TYW1B: variants seen among roughly 807,000 people sequenced by gnomAD.
The protein encoded by TYW1B is S-adenosyl-L-methionine-dependent tRNA 4-demethylwyosine synthase TYW1B.
A neutral mutation model predicts 86.9 loss-of-function variants in TYW1B; 73 were observed. The observed-to-expected ratio is 0.84, with a 90% CI of 0.70 to 1.02. TYW1B has a LOEUF of 1.02. Ranked by LOEUF, TYW1B falls within the 50% of genes least tolerant of loss-of-function variation. TYW1B has a pLI of 0.00. For synonymous variants in TYW1B, 248 were observed against 292.8 expected (o/e 0.85, Z 1.56); for missense variants, 637 against 827.4 (o/e 0.77, Z 2.82).
intron 9 of TYW1B, among the ~76,000 whole-genome samples, chr7:72,726,889 AGGGGAAGCAAG>A (rs1423895799): frequency 2.0e-5 from 3 of 152,124 alleles, no homozygotes; most frequent in Non-Finnish European, 4.4e-5. Context: ...CGGAAGGCAA[AGGGGAAGCAAG>A]GCACCTCCTT....
chr7:72,615,752 G>C (rs1812058161), intron 13 of TYW1B, among the ~76,000 whole-genome samples: 1 of 152,032 alleles, frequency 6.6e-6, no homozygotes, highest in Non-Finnish European at 1.5e-5. Context: ...TAGCATTTTT[G>C]AAATAAACCA....
At chr7:72,710,772 C>A (rs1554454578) in intron 10 of TYW1B, among the ~76,000 whole-genome samples, 2 of 152,154 alleles carry the variant, frequency 1.3e-5, no homozygotes, top group East Asian at 3.9e-4. Flanking sequence ...TGTGCCACTG[C>A]ACTCCAGCCT....
chr7:72,653,988 G>A (rs1421241959), intron 11 of TYW1B, among the ~76,000 whole-genome samples: 4 of 151,028 alleles, frequency 2.6e-5, no homozygotes, highest in African/African-American at 7.3e-5. Context: ...GCGGAGGCAG[G>A]AGAATCACAT....
At chr7:72,798,508 T>C (rs556837927) in intron 6 of TYW1B, among the ~76,000 whole-genome samples, 33 of 152,286 alleles carry the variant, frequency 2.2e-4, no homozygotes, top group African/African-American at 7.5e-4. Flanking sequence ...AATATTCCAT[T>C]GTGTGGATAT....
At chr7:72,655,722 C>CT (rs1813185610) in intron 11 of TYW1B, among the ~76,000 whole-genome samples, 1 of 152,192 alleles carries the variant, frequency 6.6e-6, no homozygotes, top group South Asian at 2.1e-4. Context: ...GTAGCAACCC[C>CT]TGGCAGGGCC....
At chr7:72,607,527 T>C (rs1811832584) in intron 13 of TYW1B, among the ~76,000 whole-genome samples, 1 of 150,936 alleles carries the variant, frequency 6.6e-6, no homozygotes, top group Admixed American at 6.6e-5. Context: ...AATAGTTAAA[T>C]AGAAATAGGA....
rs568398650 is a variant in TYW1B at position 72,767,602 on chromosome 7, C to T, written c.964+9814G>A. ...TCCAGCCTGGGTGACAGAGCAAGAC[C>T]CCGTCTCAAAAAAATAATAAAAAAA... is the stretch of plus-strand genomic sequence containing the variant. On this transcript the variant is annotated intron_variant, in intron 7 of 13. Transcript: ENST00000620995. Among the ~76,000 whole-genome samples the T allele has an allele frequency of 2.2e-3, 333 of 151,646 alleles. 1 individual carries two copies. The highest frequency in any genetic ancestry group is 7.8e-3 in the African/African-American group (323 of 41,356).
At chr7:72,663,385 C>G (rs572807579) in intron 11 of TYW1B, among the ~76,000 whole-genome samples, 1 of 151,978 alleles carries the variant, frequency 6.6e-6, no homozygotes, top group Non-Finnish European at 1.5e-5. Context: ...TCAAACCACC[C>G]GGGTGCTCTT....
intron 6 of TYW1B, among the ~76,000 whole-genome samples, chr7:72,795,223 T>C (rs1163725146): frequency 6.6e-6 from 1 of 151,044 alleles, no homozygotes; most frequent in Non-Finnish European, 1.5e-5. Flanking sequence ...AGTGAGACCC[T>C]GTCTCCAAAA....
intron 10 of TYW1B, among the ~76,000 whole-genome samples, chr7:72,700,299 G>A (rs1376448287): frequency 8.0e-5 from 12 of 149,868 alleles, no homozygotes; most frequent in South Asian, 4.2e-4. Context: ...CTCAGCCTCC[G>A]GAGTAGCTGG....
In TYW1B at chr7:72,616,763, T is replaced by G. The variant is rs782083655; in HGVS notation, c.1694A>C (p.Gln565Pro). The G allele has an allele frequency of 5.6e-6, 9 of 1,614,138 alleles. No individual in the cohort carries two copies. The highest frequency in any genetic ancestry group is 1.3e-5 in the African/African-American group (1 of 74,956). ...AHVPWHEEVV[Q>P]FVRELVDLIP... ...CAGATCCACCAGCTCGCGGACAAAC[T>G]GTACCACTTCCTCATGCCAGGGCAC... Residue 565 changes from glutamine to proline, a missense_variant, in exon 13 of 14, where the codon CAG (glutamine) becomes CCG (proline). By Grantham distance (76) the Gln-to-Pro change is moderately conservative. Coordinates refer to ENST00000620995, the MANE Select transcript of TYW1B (RefSeq NM_001145440.3).
intron 7 of TYW1B, among the ~76,000 whole-genome samples, chr7:72,776,114 T>C (rs1451410960): frequency 2.0e-5 from 3 of 151,796 alleles, no homozygotes; most frequent in Non-Finnish European, 4.4e-5. Flanking sequence ...ACCACTGCAC[T>C]CCAGCCTAGG....
At chr7:72,602,995 T>C (rs1811703941) in intron 13 of TYW1B, among the ~76,000 whole-genome samples, 1 of 152,110 alleles carries the variant, frequency 6.6e-6, no homozygotes, top group African/African-American at 2.4e-5. Context: ...TACTGGATTA[T>C]AACCCTAGGT....
chr7:72,621,418 C>T (rs1237008445), intron 12 of TYW1B, among the ~76,000 whole-genome samples: 12 of 152,236 alleles, frequency 7.9e-5, no homozygotes, highest in Admixed American at 7.9e-4. Context: ...TCCTCACCTG[C>T]CTCCGTAGCT....
At chr7:72,693,649 C>A (rs558138344) in intron 11 of TYW1B, among the ~76,000 whole-genome samples, 1 of 152,076 alleles carries the variant, frequency 6.6e-6, no homozygotes, top group Admixed American at 6.6e-5. Flanking sequence ...CCCACCTTGG[C>A]CTCTCAAAGT....
At chr7:72,638,206 C>G (rs1812717959) in intron 11 of TYW1B, among the ~76,000 whole-genome samples, 1 of 151,128 alleles carries the variant, frequency 6.6e-6, no homozygotes, top group Admixed American at 6.7e-5. Flanking sequence ...AGTCTAACTA[C>G]AGACATCTTG....
At chr7:72,577,473 T>C (rs1811048976) in intron 13 of TYW1B, among the ~76,000 whole-genome samples, 2 of 152,210 alleles carry the variant, frequency 1.3e-5, no homozygotes, top group South Asian at 4.1e-4. Flanking sequence ...AGACTGTCCC[T>C]GAAGTGTTGT....
At chr7:72,678,646 AT>A (rs1401512528) in intron 11 of TYW1B, among the ~76,000 whole-genome samples, 1 of 92,870 alleles carries the variant, frequency 1.1e-5, no homozygotes, top group Non-Finnish European at 2.0e-5. Context: ...TTTTTTTGAG[AT>A]GGAAACTCGC....
At chr7:72,699,366 G>A (rs1375589763) in intron 10 of TYW1B, among the ~76,000 whole-genome samples, 2 of 152,274 alleles carry the variant, frequency 1.3e-5, no homozygotes, top group Admixed American at 6.5e-5. Context: ...CCAGGGTTAG[G>A]TTTGGCTTAC....
Sources: allele counts gnomAD v4.1 joint callset (sites outside exome capture counted in the v4.1 genomes callset), GRCh38; gene constraint gnomAD v4.1.1; transcripts MANE v1.5; gene names NCBI Gene and HGNC (gene_info 2026-07-23, HGNC 2026-07-21).